The following POLR2F variants were observed in gnomAD, a reference collection of about 807,000 sequenced individuals.
POLR2F encodes the protein DNA-directed RNA polymerases I, II, and III subunit RPABC2.
POLR2F carries 12 observed loss-of-function variants against 22.7 expected under a neutral mutation model. The ratio of observed to expected loss-of-function variants is 0.53; its 90% CI spans 0.34 to 0.86. POLR2F has a LOEUF of 0.86. Among genes scored for constraint, POLR2F ranks in the 40% least tolerant of loss-of-function variants. The pLI is 0.02. For missense variants in POLR2F, 126 were observed against 171.5 expected (o/e 0.73, Z 1.48); for synonymous variants, 57 against 66.0 (o/e 0.86, Z 0.66).
downstream of POLR2F, chr22:37,972,575 G>C (rs1037028731): frequency 4.2e-6 from 1 of 238,956 alleles, no homozygotes; most frequent in Middle Eastern, 1.8e-3. Context: ...ACAGCAACCT[G>C]GGTGCTGGGC....
chr22:38,007,498 A>T (rs2084831936), intron 1 of POLR2F, among the ~76,000 whole-genome samples: 2 of 152,224 alleles, frequency 1.3e-5, no homozygotes, highest in Admixed American at 6.5e-5. Context: ...GGAGCCTGGG[A>T]GGTGGAAGGA....
chr22:37,992,421 C>T (rs1932746475), intron 1 of POLR2F, among the ~76,000 whole-genome samples: 1 of 151,362 alleles, frequency 6.6e-6, no homozygotes, highest in Non-Finnish European at 1.5e-5. Flanking sequence ...GAGTCTCACT[C>T]TTTCACTCTG....
At chr22:38,026,159 C>T (rs762739001) in intron 2 of POLR2F, 3 of 533,282 alleles carry the variant, frequency 5.6e-6, no homozygotes, top group Non-Finnish European at 1.2e-5. Context: ...TAGGCGGGCA[C>T]CAGGTTGGGG....
intron 2 of POLR2F, 141 bp from the exon 3 acceptor site, chr22:37,959,205 G>A (rs1387861954): frequency 9.0e-6 from 7 of 776,538 alleles, no homozygotes. Context: ...TGAGTTGTTA[G>A]GAAGCAGTTA....
chr22:38,041,259 G>A (rs977547620), downstream of POLR2F: 11 of 1,187,926 alleles, frequency 9.3e-6, no homozygotes, highest in Admixed American at 2.1e-5. Flanking sequence ...GCAGGCACAG[G>A]GGGAGGGAGG....
chr22:38,026,925 C>A (rs1052303504), downstream of POLR2F, among the ~76,000 whole-genome samples: 5 of 152,196 alleles, frequency 3.3e-5, no homozygotes, highest in Admixed American at 3.3e-4. Flanking sequence ...TGCCCCAGCT[C>A]CCCCTCCCAG....
intron 4 of POLR2F, 51 bp downstream of exon 4, chr22:37,967,221 G>C: frequency 2.5e-6 from 4 of 1,603,242 alleles, no homozygotes; most frequent in South Asian, 1.1e-5. Context: ...GGAGGCATCT[G>C]TTGGGCTCTC....
chr22:37,961,460 T>G (rs534526199), intron 3 of POLR2F, among the ~76,000 whole-genome samples: 2 of 152,276 alleles, frequency 1.3e-5, no homozygotes, highest in South Asian at 2.1e-4. Context: ...CACAGAGCAG[T>G]GGTGGGGTTT....
At chr22:37,993,507 T>C (rs982872251) in intron 1 of POLR2F, among the ~76,000 whole-genome samples, 1 of 152,224 alleles carries the variant, frequency 6.6e-6, no homozygotes, top group Non-Finnish European at 1.5e-5. Context: ...GGTTTTCTTA[T>C]TCTTCGCTGA....
intron 1 of POLR2F, among the ~76,000 whole-genome samples, chr22:37,954,048 C>T (rs1263796272): frequency 6.6e-6 from 1 of 152,174 alleles, no homozygotes; most frequent in Non-Finnish European, 1.5e-5. Context: ...TGTCCTTCAG[C>T]AAATGTTCCA....
chr22:37,954,182 A>C (rs1931257255), intron 1 of POLR2F, among the ~76,000 whole-genome samples: 1 of 152,174 alleles, frequency 6.6e-6, no homozygotes, highest in Non-Finnish European at 1.5e-5. Context: ...GCAAGCAGGT[A>C]ACGGTGGTCG....
chr22:38,005,569 A>G (rs3026661), intron 1 of POLR2F, among the ~76,000 whole-genome samples: 5,311 of 152,336 alleles, frequency 0.035, 302 homozygotes, highest in African/African-American at 0.12. Flanking sequence ...CCTGGGGGCC[A>G]GAGAGGAGAG....
upstream of POLR2F, among the ~76,000 whole-genome samples, chr22:37,981,218 G>C (rs1932386019): frequency 6.6e-6 from 1 of 152,172 alleles, no homozygotes; most frequent in South Asian, 2.1e-4. Flanking sequence ...CCCACTTCTT[G>C]ACATCCCAGG....
At chr22:38,009,115 C>T (rs934188305) in intron 1 of POLR2F, among the ~76,000 whole-genome samples, 13 of 152,038 alleles carry the variant, frequency 8.6e-5, no homozygotes, top group African/African-American at 3.1e-4. Flanking sequence ...GTGGCCGGAG[C>T]GTTCTGAGGA....
intron 1 of POLR2F, among the ~76,000 whole-genome samples, chr22:38,009,635 C>A (rs2084854436): frequency 6.6e-6 from 1 of 152,176 alleles, no homozygotes; most frequent in Non-Finnish European, 1.5e-5. Flanking sequence ...AGTACATCTA[C>A]CGTCCCCAAA....
In POLR2F at chr22:37,980,855, G is replaced by A. The variant is rs1331640700; in HGVS notation, c.293+13685G>A. ...GCTACCTGTGTCCTGCTAGGCCAGG[G>A]GCATAAGAAGACTACTTGGGGAAGG... On this transcript the variant is annotated intron_variant, in intron 4 of 4. Transcript: ENST00000405557. The surrounding 1 kb of genome is among the most constrained non-coding windows in gnomAD (Gnocchi z 4.1). Among the ~76,000 whole-genome samples, 1 of 152,244 alleles carries A rather than the reference G, an allele frequency of 6.6e-6. No individual in the cohort carries two copies. Among genetic ancestry groups the A allele is most frequent in the African/African-American group, 2.4e-5 (1 of 41,466 alleles).
chr22:38,040,397 A>C (rs2085160867), intron 5 of POLR2F: 1 of 151,680 alleles, frequency 6.6e-6, no homozygotes, highest in African/African-American at 2.4e-5. Flanking sequence ...AGGGCCTGGC[A>C]GGGGTGGTGG....
chr22:37,953,684 G>A, upstream of POLR2F: 2 of 1,401,152 alleles, frequency 1.4e-6, no homozygotes, highest in South Asian at 1.3e-5. Context: ...CTGGGTTACG[G>A]CGCAGGCGCA....
intron 5 of POLR2F, among the ~76,000 whole-genome samples, chr22:38,038,838 C>T (rs1199891134): frequency 1.3e-5 from 2 of 151,540 alleles, no homozygotes; most frequent in African/African-American, 2.4e-5. Flanking sequence ...GTGGCGGCCG[C>T]GGCGCCCTCC....
Sources: allele counts gnomAD v4.1 joint callset (sites outside exome capture counted in the v4.1 genomes callset), GRCh38; gene constraint gnomAD v4.1.1; non-coding constraint Gnocchi (gnomAD v3.1); transcripts MANE v1.5; gene names NCBI Gene and HGNC (gene_info 2026-07-23, HGNC 2026-07-21).